OCA2: variants seen among roughly 807,000 people sequenced by gnomAD.
OCA2 encodes OCA2 melanosomal transmembrane protein.
In OCA2, 77 loss-of-function variants were observed where a neutral mutation model predicts 100.2. The observed-to-expected ratio is 0.77, with a 90% CI of 0.64 to 0.93. The LOEUF is 0.93. OCA2 is among the 40% of genes least tolerant of loss of function. The probability of loss-of-function intolerance (pLI) is 0.00; values close to 1 mark genes in which losing one functional copy is unlikely to be tolerated. For missense variants in OCA2, 1,062 were observed against 1,089.1 expected, an observed-to-expected ratio of 0.98 and a Z score of 0.35; for synonymous variants, 432 against 439.2, an observed-to-expected ratio of 0.98 and a Z score of 0.21.
Position 27,926,234 on chromosome 15 carries a change from C to T in OCA2, c.1972G>A (p.Ala658Thr), listed in dbSNP as rs2039038407. ...LDLGWIAILG[A>T]IWLLILADIH... is the part of the protein sequence containing the mutation. ...TCAGCTAAAATTAGCAACCAGATGG[C>T]ACCCAGAATAGCAATCCATCCTGAA... is the stretch of plus-strand genomic sequence containing the variant. Residue 658 changes from alanine (A) to threonine (T), a missense_variant, in exon 19 of 24, where the codon GCC becomes ACC. Coordinates refer to ENST00000354638, the MANE Select transcript of OCA2 (RefSeq NM_000275.3). The T allele has an allele frequency of 1.9e-6, 3 of 1,613,922 alleles. No individual in the cohort carries two copies. The highest frequency in any genetic ancestry group is 1.3e-5 in the African/African-American group (1 of 74,906).
chr15:27,804,633 A>T (rs1331756431), intron 23 of OCA2, among the ~76,000 whole-genome samples: 1 of 152,252 alleles, frequency 6.6e-6, no homozygotes, highest in Non-Finnish European at 1.5e-5. Flanking sequence ...TGCTAGCACC[A>T]CAACGGACTT....
At position 27,961,471 on chromosome 15, in the gene OCA2, A is replaced by G. The variant is rs530296095; in HGVS notation, c.1637-3736T>C. On this transcript the variant is annotated intron_variant, in intron 15 of 23. Coordinates refer to ENST00000354638, the MANE Select transcript of OCA2 (RefSeq NM_000275.3). Reference sequence around the variant, plus strand: ...TGGGTATATAACCAAAGGATTATAAATCATTCTACTATAAAGACACATGCA... The same window carrying G: ...TGGGTATATAACCAAAGGATTATAAGTCATTCTACTATAAAGACACATGCA... Among the ~76,000 whole-genome samples, 8 of 152,362 alleles carry G rather than the reference A, an allele frequency of 5.3e-5. No individual in the cohort carries two copies. The South Asian group carries it at 1.7e-3, about 32-fold the overall frequency.
chr15:27,941,927 C>A (rs576662143), intron 18 of OCA2, among the ~76,000 whole-genome samples: 18 of 152,248 alleles, frequency 1.2e-4, no homozygotes, highest in African/African-American at 4.3e-4. Flanking sequence ...TCATTCATCA[C>A]TAGGAAATGC....
chr15:27,752,114 A>G (rs1472870511), downstream of OCA2, among the ~76,000 whole-genome samples: 2 of 152,184 alleles, frequency 1.3e-5, no homozygotes, highest in South Asian at 4.1e-4. Context: ...TGTCAAAGGT[A>G]AGGCACAGCT....
intron 14 of OCA2, among the ~76,000 whole-genome samples, chr15:27,976,664 T>C (rs2040977068): frequency 6.6e-6 from 1 of 152,198 alleles, no homozygotes; most frequent in African/African-American, 2.4e-5. Flanking sequence ...ATTTTTTAAA[T>C]ATTAAATCTA....
chr15:28,008,031 G>A (rs2042137314), intron 9 of OCA2, among the ~76,000 whole-genome samples: 2 of 152,128 alleles, frequency 1.3e-5, no homozygotes, highest in African/African-American at 4.8e-5. Flanking sequence ...AAGATGCTCT[G>A]GAAACATTTG....
intron 22 of OCA2, among the ~76,000 whole-genome samples, chr15:27,849,606 T>C (rs963977849): frequency 6.6e-6 from 1 of 151,878 alleles, no homozygotes; most frequent in Non-Finnish European, 1.5e-5. Context: ...CAAATGACAT[T>C]TCTAAAACCA....
chr15:27,839,727 A>G (rs1304905083), intron 23 of OCA2, among the ~76,000 whole-genome samples: 1 of 152,226 alleles, frequency 6.6e-6, no homozygotes, highest in Non-Finnish European at 1.5e-5. Flanking sequence ...AATACTTAAC[A>G]TGCCACTTAA....
At position 28,051,660 on chromosome 15, in the gene OCA2, T is replaced by C. The variant is rs528475898; in HGVS notation, c.228-19497A>G. ...TCTCACTAGGCTGCCCAGGCTGGAGTGTAGTGGCTATTCATTCAGAGGCCA... is the reference window on the plus strand; with the variant it reads ...TCTCACTAGGCTGCCCAGGCTGGAGCGTAGTGGCTATTCATTCAGAGGCCA... On this transcript the variant is annotated intron_variant, in intron 2 of 23. Transcript: ENST00000354638. 4.6e-4 allele frequency among the ~76,000 whole-genome samples: 61 copies of C among 132,928 alleles called. No homozygotes were observed. The East Asian group carries it at 9.3e-3, about 20-fold the overall frequency. The allele number at this position is 132,928 out of a possible 152,430, so 87.2% of individuals were successfully genotyped here. A position where few individuals can be genotyped will look rare whatever the true frequency, so the allele number is the denominator to read the frequency against.
chr15:28,038,021 T>TC (rs1167308816), intron 2 of OCA2, among the ~76,000 whole-genome samples: 3 of 152,236 alleles, frequency 2.0e-5, no homozygotes, highest in Non-Finnish European at 4.4e-5. Context: ...TTTCTCTTTC[T>TC]CTATCCCTAT....
rs143477152 is a variant in OCA2, at chr15:27,859,312, G to T, written c.2245-7837C>A. 1.2e-4 allele frequency among the ~76,000 whole-genome samples: 18 copies of T among 151,998 alleles called. 1 individual carries two copies. The East Asian group carries it at 3.3e-3, about 28-fold the overall frequency. On this transcript the variant is annotated intron_variant, in intron 21 of 23. Transcript: ENST00000354638. ...TAAGAAAAAGAGATAAAATACAAAC[G>T]ACTAAAATCAAAAACTAAAGTGGAA...
At position 27,913,892 on chromosome 15, in the gene OCA2, A is replaced by AAAGCAAGC. The variant is rs201142354; in HGVS notation, c.2079+12227_2079+12234dup. Among the ~76,000 whole-genome samples, 18 of 37,424 alleles carry AAAGCAAGC rather than the reference A, an allele frequency of 4.8e-4. 2 individuals carry two copies. The highest frequency in any genetic ancestry group is 1.3e-3 in the African/African-American group (9 of 6,998). The allele number at this position is 37,424 out of a possible 152,430, so 24.6% of individuals were successfully genotyped here. On this transcript the variant is annotated intron_variant, in intron 19 of 23. Transcript: ENST00000354638. ...GAAAGAAAGAAAGAAAGAAAGAAAG[A>AAAGCAAGC]AAGCAAGCAAGCAAGCAAGCAAGCA...
At chr15:28,045,149 A>T (rs543404103) in intron 2 of OCA2, among the ~76,000 whole-genome samples, 1 of 152,172 alleles carries the variant, frequency 6.6e-6, no homozygotes, top group Non-Finnish European at 1.5e-5. Context: ...ATTATTTTGT[A>T]TGATTCCATT....
At chr15:27,788,066 T>C (rs899047160) in intron 23 of OCA2, among the ~76,000 whole-genome samples, 1 of 152,090 alleles carries the variant, frequency 6.6e-6, no homozygotes, top group Admixed American at 6.5e-5. Context: ...TCTAATTCAG[T>C]TCTATTGTGG....
chr15:28,062,428 G>C lies in OCA2; in HGVS notation c.227+19220C>G, dbSNP rs547921692. Among the ~76,000 whole-genome samples, 141 of 152,222 alleles carry C rather than the reference G, an allele frequency of 9.3e-4. 1 individual carries two copies. The highest frequency in any genetic ancestry group is 3.4e-3 in the African/African-American group (140 of 41,546). ...GCATGGGGGGAGTCTTTTTATTATG[G>C]AGTTGTAAGAGTTCTATATATATTC... On this transcript the variant is annotated intron_variant, in intron 2 of 23. Transcript: ENST00000354638.
Position 27,989,603 on chromosome 15 carries a change from T to C in OCA2, c.1180A>G (p.Met394Val). 6.2e-7 allele frequency: 1 copy of C among 1,613,896 alleles called. No individual in the cohort carries two copies. Among genetic ancestry groups the C allele is most frequent in the Non-Finnish European group, 8.5e-7 (1 of 1,179,814 alleles). The change falls in exon 11 of 24, where the codon ATG becomes GTG. Residue 394 changes from methionine (M) to valine (V), a missense_variant and splice_region_variant. Physicochemically the swap from Met to Val is conservative, Grantham distance 21. Coordinates refer to ENST00000354638, the MANE Select transcript of OCA2 (RefSeq NM_000275.3). ...CCCACGGGGAGAGCTGTAATTACCA[T>C]GCCAAACAGCAGGGCCAGCGTCTCA... is the stretch of plus-strand genomic sequence containing the variant. The part of the protein sequence containing the change: ...DFETLALLFG[M>V]MILVAIFSET...
intron 22 of OCA2, among the ~76,000 whole-genome samples, chr15:27,851,061 G>A (rs1444443219): frequency 6.6e-6 from 1 of 152,164 alleles, no homozygotes; most frequent in Non-Finnish European, 1.5e-5. Flanking sequence ...TGCAACTGAG[G>A]ATGGCTTCTG....
Position 27,788,920 on chromosome 15 carries a change from A to T in OCA2, c.2433-33448T>A, listed in dbSNP as rs556405989. 2.2e-3 allele frequency among the ~76,000 whole-genome samples: 337 copies of T among 152,106 alleles called. 2 individuals carry two copies. Among genetic ancestry groups the T allele is most frequent in the African/African-American group, 7.7e-3 (320 of 41,522 alleles). On this transcript the variant is annotated intron_variant, in intron 23 of 23. Coordinates refer to ENST00000354638, the MANE Select transcript of OCA2 (RefSeq NM_000275.3). ...CCATTGAGATTTCAATATACATCCT[A>T]TTTATCACAATCTGGCCTAGATTAA...
intron 18 of OCA2, among the ~76,000 whole-genome samples, chr15:27,949,772 G>A (rs1318037214): frequency 1.3e-5 from 2 of 152,206 alleles, no homozygotes; most frequent in East Asian, 3.8e-4. Context: ...GGAAGATCTT[G>A]TATCCATTTT....
Sources: allele counts gnomAD v4.1 joint callset (sites outside exome capture counted in the v4.1 genomes callset), GRCh38; gene constraint gnomAD v4.1.1; transcripts MANE v1.5; gene names NCBI Gene and HGNC (gene_info 2026-07-23, HGNC 2026-07-21).